Variants in HADH observed in about 807,000 individuals in gnomAD.
HADH encodes the protein hydroxyacyl-CoA dehydrogenase.
HADH carries 24 observed loss-of-function variants against 32.2 expected under a neutral mutation model. The observed-to-expected ratio is 0.75, with a 90% confidence interval of 0.54 to 1.05. The LOEUF (loss-of-function observed/expected upper bound fraction) is 1.05. HADH is among the 50% of genes least tolerant of loss of function. The pLI is 0.00. For synonymous variants in HADH, 139 were observed against 152.5 expected (o/e 0.91, Z 0.65); for missense variants, 350 against 397.1 (o/e 0.88, Z 1.01).
rs1736407750 is a variant in HADH at position 108,034,857 on chromosome 4, A to G, written c.*500A>G. On this transcript the variant is annotated 3_prime_UTR_variant, in exon 8 of 8. Coordinates refer to ENST00000309522, the MANE Select transcript of HADH (RefSeq NM_005327.7). ...CCTGCAGCTTTGAGTCTTGCCCTAC[A>G]TTTTGGGCATGACATAAGATGTGTC... 1 of 255,472 alleles carries G rather than the reference A, an allele frequency of 3.9e-6. No individual in the cohort carries two copies. Among genetic ancestry groups the G allele is most frequent in the African/African-American group, 2.2e-5 (1 of 45,362 alleles). The allele number at this position is 255,472 out of a possible 1,614,324, so 15.8% of individuals were successfully genotyped here.
At chr4:108,030,286 C>G (rs918199308) in intron 6 of HADH, 1 of 152,604 alleles carries the variant, frequency 6.6e-6, no homozygotes, top group Non-Finnish European at 1.5e-5. Flanking sequence ...TGGACATCAT[C>G]TCTGTCATCA....
At chr4:108,027,162 C>T (rs937835784) in intron 5 of HADH, 2 of 179,786 alleles carry the variant, frequency 1.1e-5, no homozygotes, top group South Asian at 1.2e-4. Flanking sequence ...GAAAGCAGTC[C>T]TCCTTTGAGG....
chr4:108,020,297 C>A (rs572896078), intron 4 of HADH, among the ~76,000 whole-genome samples: 1 of 152,048 alleles, frequency 6.6e-6, no homozygotes, highest in East Asian at 1.9e-4. Context: ...ATGGCAAGAC[C>A]CCATTTCTAC....
rs113173630 is a variant in HADH, at chr4:108,011,014, A to G, written c.261+1127A>G. On this transcript the variant is annotated intron_variant, in intron 2 of 7. Transcript: ENST00000309522. Reference sequence around the variant, plus strand: ...CAGGCGCACGCCACCACGTCCAGCTAATTTTTGTAGTTTTAGTAGAGATGG... The same window carrying G: ...CAGGCGCACGCCACCACGTCCAGCTGATTTTTGTAGTTTTAGTAGAGATGG... Among the ~76,000 whole-genome samples the G allele has an allele frequency of 1.5e-3, 232 of 152,168 alleles. 1 individual carries two copies. The highest frequency in any genetic ancestry group is 5.3e-3 in the African/African-American group (221 of 41,530).
Position 108,034,521 on chromosome 4 carries a change from C to T in HADH, c.*164C>T. ...ATCGAAGTGATTATTACACCAGTTA[C>T]AGCAGTAATAGATTCTCCATTAAGA... is the stretch of plus-strand genomic sequence containing the variant. On this transcript the variant is annotated 3_prime_UTR_variant, in exon 8 of 8. Transcript: ENST00000309522. The T allele has an allele frequency of 4.4e-6, 3 of 682,240 alleles. No individual in the cohort carries two copies. Among genetic ancestry groups the T allele is most frequent in the Non-Finnish European group, 8.2e-6 (3 of 365,304 alleles). 42.3% of individuals were successfully genotyped at this position (682,240 alleles called of 1,614,324 possible).
chr4:108,019,225 C>T (rs894490220), intron 3 of HADH, among the ~76,000 whole-genome samples: 27 of 152,170 alleles, frequency 1.8e-4, no homozygotes, highest in Admixed American at 3.9e-4. Context: ...TGTTATCTCA[C>T]ATACCTTGGA....
intron 1 of HADH, among the ~76,000 whole-genome samples, 162 bp from the exon 2 acceptor site, chr4:108,009,597 T>C: frequency 6.6e-6 from 1 of 152,228 alleles, no homozygotes; most frequent in Non-Finnish European, 1.5e-5. Flanking sequence ...AGTGTGTGTT[T>C]AGTTAATGTT....
chr4:108,032,921 G>T, intron 6 of HADH: 1 of 460,514 alleles, frequency 2.2e-6, no homozygotes, highest in Non-Finnish European at 4.0e-6. Context: ...GGCGGAGGTT[G>T]CAGCGAGCCA....
At chr4:107,990,282 C>T (rs748131551) in intron 1 of HADH, among the ~76,000 whole-genome samples, 67 of 152,350 alleles carry the variant, frequency 4.4e-4, no homozygotes, top group Middle Eastern at 3.4e-3. Context: ...TCCTCAGCTT[C>T]CTCGTTTGGA....
intron 6 of HADH, chr4:108,028,028 C>T (rs748903061): frequency 9.2e-5 from 50 of 543,262 alleles, no homozygotes; most frequent in Admixed American, 6.5e-4. Context: ...ATTGCATGGC[C>T]GGCCCAGATT....
In HADH at chr4:108,009,744, C is replaced by G; in HGVS notation, c.133-15C>G. On this transcript the variant is annotated splice_polypyrimidine_tract_variant and intron_variant, in intron 1 of 7. Coordinates refer to ENST00000309522, the MANE Select transcript of HADH (RefSeq NM_005327.7). ...TTCTTTCTTTTAAAAAGAAATTGTT[C>G]TTTTGTTGCTCTAGGTTGCTGCAGC... The G allele has an allele frequency of 1.2e-6, 2 of 1,612,780 alleles. No individual in the cohort carries two copies. The highest frequency in any genetic ancestry group is 1.3e-5 in the African/African-American group (1 of 74,948).
chr4:108,034,210 T>G (rs1736376142), intron 7 of HADH, 29 bp from the exon 8 acceptor site: 2 of 1,375,996 alleles, frequency 1.5e-6, no homozygotes, highest in African/African-American at 1.4e-5. Context: ...CAGCACTTCA[T>G]CCTGAGTTCT....
intron 3 of HADH, 43 bp downstream of exon 3, chr4:108,014,631 C>A (rs1173849195): frequency 2.0e-6 from 3 of 1,507,650 alleles, no homozygotes; most frequent in Non-Finnish European, 2.7e-6. Flanking sequence ...TTTTTTTAAC[C>A]TTATTTTTGT....
intron 5 of HADH, chr4:108,027,322 C>T (rs1736100390): frequency 2.7e-6 from 1 of 367,812 alleles, no homozygotes; most frequent in African/African-American, 2.1e-5. Context: ...AACTGTCACC[C>T]CCAGTTCACA....
At chr4:108,011,861 T>C (rs1205837426) in intron 2 of HADH, among the ~76,000 whole-genome samples, 1 of 152,128 alleles carries the variant, frequency 6.6e-6, no homozygotes, top group Non-Finnish European at 1.5e-5. Context: ...ATCTTAGGTG[T>C]GAAGTAGTAT....
At chr4:107,990,654 T>C (rs1734755059) in intron 1 of HADH, among the ~76,000 whole-genome samples, 1 of 152,108 alleles carries the variant, frequency 6.6e-6, no homozygotes, top group Non-Finnish European at 1.5e-5. Flanking sequence ...GGAAGATTGC[T>C]GAGGTCCTGG....
At chr4:108,012,702 T>A (rs937743941) in intron 2 of HADH, among the ~76,000 whole-genome samples, 7 of 152,212 alleles carry the variant, frequency 4.6e-5, no homozygotes, top group African/African-American at 1.7e-4. Context: ...CTTGGACCAG[T>A]ATAAGCATGC....
intron 1 of HADH, among the ~76,000 whole-genome samples, chr4:108,008,625 TCTC>T (rs1735368610): frequency 6.6e-6 from 1 of 152,292 alleles, no homozygotes; most frequent in African/African-American, 2.4e-5. Flanking sequence ...ATTTCTGTCA[TCTC>T]CTTGTTCTTC....
At chr4:108,020,746 C>T (rs568198418) in intron 4 of HADH, among the ~76,000 whole-genome samples, 1 of 152,270 alleles carries the variant, frequency 6.6e-6, no homozygotes, top group African/African-American at 2.4e-5. Flanking sequence ...AGTTATTGCC[C>T]TGCGAAGTGT....
Sources: allele counts gnomAD v4.1 joint callset (sites outside exome capture counted in the v4.1 genomes callset), GRCh38; gene constraint gnomAD v4.1.1; transcripts MANE v1.5; gene names NCBI Gene and HGNC (gene_info 2026-07-23, HGNC 2026-07-21).